SNTG2: variants seen among roughly 807,000 people sequenced by gnomAD.
SNTG2 encodes the protein syntrophin gamma 2.
SNTG2 carries 74 observed loss-of-function variants against 70.9 expected under a neutral mutation model. That is an observed-to-expected ratio of 1.04 (90% CI 0.86 to 1.27). The LOEUF (loss-of-function observed/expected upper bound fraction) is 1.27. Among genes scored for constraint, SNTG2 ranks in the 50% most tolerant of loss-of-function variants. The probability of loss-of-function intolerance (pLI) is 0.00; values close to 1 mark genes in which losing one functional copy is unlikely to be tolerated. For synonymous variants in SNTG2, 278 were observed against 273.8 expected, an observed-to-expected ratio of 1.02 and a Z score of -0.15; for missense variants, 717 against 690.7, an observed-to-expected ratio of 1.04 and a Z score of -0.43.
intron 1 of SNTG2, among the ~76,000 whole-genome samples, chr2:967,752 G>T (rs368228992): frequency 1.3e-5 from 2 of 152,162 alleles, no homozygotes; most frequent in East Asian, 1.9e-4. Flanking sequence ...TTTTGTGCCA[G>T]GCACGGTGGC....
rs765105243 is a variant in SNTG2 at position 1,137,669 on chromosome 2, AG to A, written c.369+5del. 2 of 1,613,470 alleles carry A rather than the reference AG, an allele frequency of 1.2e-6. No homozygotes were observed. Among genetic ancestry groups the A allele is most frequent in the African/African-American group, 2.7e-5 (2 of 75,016 alleles). ...CGTAGGAGATGCTGTTCTCCAGGTC[AG>A]TATTGTACACGTTAATCCTTAACTT... On this transcript the variant is annotated splice_donor_5th_base_variant and intron_variant, in intron 5 of 16. Transcript: ENST00000308624.
chr2:951,343 G>A (rs1218243900), intron 1 of SNTG2, among the ~76,000 whole-genome samples: 1 of 152,250 alleles, frequency 6.6e-6, no homozygotes, highest in Non-Finnish European at 1.5e-5. Flanking sequence ...TGAGGCGCCC[G>A]GGCTTCCCTT....
intron 14 of SNTG2, among the ~76,000 whole-genome samples, chr2:1,284,965 CTATA>C (rs1333376208): frequency 1.3e-5 from 2 of 150,848 alleles, no homozygotes; most frequent in African/African-American, 4.9e-5. Context: ...ATAAATATAA[CTATA>C]TAAATATATA....
intron 6 of SNTG2, among the ~76,000 whole-genome samples, chr2:1,155,172 C>CA (rs1553340385): frequency 1.5e-4 from 4 of 25,972 alleles, no homozygotes; most frequent in Non-Finnish European, 5.8e-4. Context: ...CACGTAGACC[C>CA]CCCCCCCACA....
At chr2:1,017,421 G>A (rs574518218) in intron 1 of SNTG2, among the ~76,000 whole-genome samples, 15 of 152,126 alleles carry the variant, frequency 9.9e-5, no homozygotes, top group Non-Finnish European at 2.1e-4. Context: ...ATGGAGCTAC[G>A]TGTACACATG....
chr2:1,288,548 C>A (rs1399719033), intron 14 of SNTG2, among the ~76,000 whole-genome samples: 1 of 152,170 alleles, frequency 6.6e-6, no homozygotes, highest in African/African-American at 2.4e-5. Flanking sequence ...CACACACATG[C>A]ATTCACGTGC....
chr2:980,649 A>G (rs1661067476), intron 1 of SNTG2, among the ~76,000 whole-genome samples: 1 of 151,926 alleles, frequency 6.6e-6, no homozygotes, highest in African/African-American at 2.4e-5. Context: ...CAGTATGTGT[A>G]AGTATATTAT....
intron 16 of SNTG2, among the ~76,000 whole-genome samples, chr2:1,333,945 A>T (rs1659665803): frequency 1.3e-5 from 2 of 152,190 alleles, no homozygotes; most frequent in African/African-American, 4.8e-5. Flanking sequence ...AATAGATGAG[A>T]CCTAATTAAA....
Position 1,098,190 on chromosome 2 carries a change from T to G in SNTG2, c.211-6T>G, listed in dbSNP as rs752378279. On this transcript the variant is annotated splice_polypyrimidine_tract_variant and splice_region_variant and intron_variant, in intron 2 of 16. Coordinates refer to ENST00000308624, the MANE Select transcript of SNTG2 (RefSeq NM_018968.4). ...AACTTGGTTTGTTTTCTAAAATGTT[T>G]TAAAGCGCAGAACTGTTACACTCCG... 1.9e-6 allele frequency: 3 copies of G among 1,613,736 alleles called. No homozygotes were observed. Among genetic ancestry groups the G allele is most frequent in the Non-Finnish European group, 2.5e-6 (3 of 1,179,812 alleles).
At chr2:1,134,419 C>T (rs955534653) in intron 4 of SNTG2, among the ~76,000 whole-genome samples, 1 of 151,506 alleles carries the variant, frequency 6.6e-6, no homozygotes, top group African/African-American at 2.4e-5. Context: ...AGGTTCTCCA[C>T]TTCCCCACTA....
chr2:1,367,468 C>G lies in SNTG2; in HGVS notation c.1614C>G (p.Ser538Arg). ...GTCTTGCCAGAAAATACATGTACAG[C>G]AGCTAAAGGTTGTTTCTGTTGAGTG... ...SQSLARKYMY[S>R]S Residue 538 changes from serine (S) to arginine (R), a missense_variant, in exon 17 of 17, where the codon AGC becomes AGG. Physicochemically the swap from Ser to Arg is moderately radical, Grantham distance 110. Transcript: ENST00000308624. 1.3e-6 allele frequency: 2 copies of G among 1,549,838 alleles called. No homozygotes were observed. Among genetic ancestry groups the G allele is most frequent in the South Asian group, 1.2e-5 (1 of 83,308 alleles).
At chr2:1,061,288 T>C (rs1001621273) in intron 1 of SNTG2, among the ~76,000 whole-genome samples, 2 of 152,162 alleles carry the variant, frequency 1.3e-5, no homozygotes, top group African/African-American at 4.8e-5. Context: ...ATGATAAACA[T>C]TTTTAAGGCA....
chr2:1,334,236 C>G (rs1214601399), intron 16 of SNTG2, among the ~76,000 whole-genome samples: 1 of 152,070 alleles, frequency 6.6e-6, no homozygotes, highest in East Asian at 1.9e-4. Flanking sequence ...ATTAAAACCA[C>G]AACATATAAG....
intron 1 of SNTG2, among the ~76,000 whole-genome samples, chr2:1,037,334 A>G (rs1661188313): frequency 6.6e-6 from 1 of 152,176 alleles, no homozygotes; most frequent in Non-Finnish European, 1.5e-5. Context: ...AGGAATCCAC[A>G]TCCCCAGGCT....
intron 2 of SNTG2, among the ~76,000 whole-genome samples, chr2:1,094,197 G>A (rs1665225836): frequency 8.2e-6 from 1 of 122,534 alleles, no homozygotes; most frequent in Admixed American, 8.5e-5. Context: ...TGCAGGCAAA[G>A]GCCTTATAGG....
At chr2:1,240,749 C>A (rs983934225) in intron 11 of SNTG2, among the ~76,000 whole-genome samples, 2 of 152,160 alleles carry the variant, frequency 1.3e-5, no homozygotes, top group African/African-American at 4.8e-5. Context: ...CCTCTCTAGT[C>A]AACATTTCTA....
chr2:1,070,915 C>T (rs1000122701), intron 1 of SNTG2, among the ~76,000 whole-genome samples: 14 of 152,150 alleles, frequency 9.2e-5, no homozygotes, highest in African/African-American at 3.4e-4. Context: ...TGTGCAGTGC[C>T]TGCTGCTGGT....
In SNTG2 at chr2:1,152,833, C is replaced by T. The variant is rs1669604257; in HGVS notation, c.412-12715C>T. Reference sequence around the variant, plus strand: ...AGATGTTGACCACATCTATAAAATGCCTTCACAAGGCCAGGCATGGTGGCT... The same window carrying T: ...AGATGTTGACCACATCTATAAAATGTCTTCACAAGGCCAGGCATGGTGGCT... On this transcript the variant is annotated intron_variant, in intron 6 of 16. Transcript: ENST00000308624. 3.3e-5 allele frequency among the ~76,000 whole-genome samples: 5 copies of T among 152,070 alleles called. No homozygotes were observed. In the South Asian group the frequency reaches 1.0e-3, roughly 32 times the overall value.
intron 6 of SNTG2, among the ~76,000 whole-genome samples, chr2:1,162,589 C>T (rs982213556): frequency 1.3e-5 from 2 of 152,180 alleles, no homozygotes; most frequent in Non-Finnish European, 2.9e-5. Flanking sequence ...TCCCCTCCCA[C>T]ACCGCACACT....
Sources: gnomAD v4.1 joint callset for allele counts (sites outside exome capture counted in the v4.1 genomes callset) on GRCh38, gnomAD v4.1.1 for gene constraint, MANE v1.5 for transcripts, NCBI Gene and HGNC (gene_info 2026-07-23, HGNC 2026-07-21) for gene names.